Variants in RALGPS1 observed in about 807,000 individuals in gnomAD.
RALGPS1 encodes ras-specific guanine nucleotide-releasing factor RalGPS1.
RALGPS1 carries 19 observed loss-of-function variants against 78.8 expected under a neutral mutation model. That is an observed-to-expected ratio of 0.24 (90% CI 0.17 to 0.35). RALGPS1 has a LOEUF of 0.35. RALGPS1 is among the 10% of genes least tolerant of loss of function. The probability of loss-of-function intolerance (pLI) is 1.00; values close to 1 mark genes in which losing one functional copy is unlikely to be tolerated. For missense variants in RALGPS1, 454 were observed against 688.3 expected, an observed-to-expected ratio of 0.66 and a Z score of 3.81; for synonymous variants, 228 against 256.3, an observed-to-expected ratio of 0.89 and a Z score of 1.06.
intron 9 of RALGPS1, among the ~76,000 whole-genome samples, chr9:127,168,373 G>A (rs2059394915): frequency 6.6e-6 from 1 of 152,194 alleles, no homozygotes; most frequent in Non-Finnish European, 1.5e-5. Flanking sequence ...TCTTTCCCCA[G>A]TCCCTGATAT....
intron 12 of RALGPS1, 102 bp downstream of exon 12, chr9:127,195,319 C>G (rs1357241898): frequency 6.8e-7 from 1 of 1,461,946 alleles, no homozygotes; most frequent in East Asian, 2.4e-5. Context: ...CCTCCCCTGC[C>G]CTGTTCTGGG....
intron 10 of RALGPS1, among the ~76,000 whole-genome samples, chr9:127,174,265 AAG>A (rs1194767469): frequency 4.0e-5 from 6 of 148,780 alleles, no homozygotes; most frequent in African/African-American, 7.8e-5. Context: ...AAGAAAGAAA[AAG>A]AGAGAGAGAG....
intron 1 of RALGPS1, among the ~76,000 whole-genome samples, chr9:126,956,090 G>A (rs12336576): frequency 1.3e-5 from 2 of 152,198 alleles, no homozygotes; most frequent in Non-Finnish European, 2.9e-5. Flanking sequence ...ACTCCCGAGG[G>A]TGTGGCACCT....
chr9:126,958,636 G>T (rs767204705), intron 1 of RALGPS1, among the ~76,000 whole-genome samples: 3 of 152,194 alleles, frequency 2.0e-5, no homozygotes, highest in Non-Finnish European at 4.4e-5. Context: ...ATCCTGCGGT[G>T]TGTCGACTGA....
chr9:127,065,512 G>A (rs1037116009), intron 7 of RALGPS1, among the ~76,000 whole-genome samples: 1 of 152,082 alleles, frequency 6.6e-6, no homozygotes, highest in Non-Finnish European at 1.5e-5. Flanking sequence ...AAGCTACCAT[G>A]CCCTACCTAT....
intron 1 of RALGPS1, among the ~76,000 whole-genome samples, chr9:126,949,589 C>T (rs1162175461): frequency 6.6e-6 from 1 of 152,140 alleles, no homozygotes; most frequent in Non-Finnish European, 1.5e-5. Context: ...TTTCATTTGT[C>T]TTTTGGCTGC....
intron 4 of RALGPS1, among the ~76,000 whole-genome samples, chr9:127,018,865 T>A (rs1428345114): frequency 6.6e-6 from 1 of 152,128 alleles, no homozygotes; most frequent in Non-Finnish European, 1.5e-5. Context: ...GACTACGGCA[T>A]CACTAGGTGA....
intron 4 of RALGPS1, among the ~76,000 whole-genome samples, chr9:127,015,683 C>T (rs751384613): frequency 6.6e-6 from 1 of 152,170 alleles, no homozygotes; most frequent in Non-Finnish European, 1.5e-5. Context: ...ATCTGATCAT[C>T]TGGTTGTGTC....
intron 10 of RALGPS1, among the ~76,000 whole-genome samples, chr9:127,171,161 C>T (rs1039895991): frequency 2.0e-5 from 3 of 152,144 alleles, no homozygotes; most frequent in African/African-American, 7.2e-5. Context: ...AGAAAAATTA[C>T]CCAATTTCCC....
intron 8 of RALGPS1, among the ~76,000 whole-genome samples, chr9:127,094,628 T>C (rs963413045): frequency 3.9e-5 from 6 of 152,264 alleles, no homozygotes; most frequent in Non-Finnish European, 1.5e-5. Context: ...AGTGTGTTTT[T>C]AGGGGGCCAG....
At chr9:126,957,403 G>A (rs956972940) in intron 1 of RALGPS1, among the ~76,000 whole-genome samples, 7 of 152,190 alleles carry the variant, frequency 4.6e-5, no homozygotes, top group African/African-American at 1.2e-4. Context: ...GAGCTACAGA[G>A]TGCCAGGCAC....
intron 4 of RALGPS1, among the ~76,000 whole-genome samples, chr9:127,001,698 A>G (rs540854208): frequency 6.6e-6 from 1 of 152,216 alleles, no homozygotes; most frequent in Non-Finnish European, 1.5e-5. Context: ...AGCCTGGCCA[A>G]CATGGTGAAA....
At chr9:127,045,087 T>G (rs2047637019) in intron 5 of RALGPS1, among the ~76,000 whole-genome samples, 1 of 152,192 alleles carries the variant, frequency 6.6e-6, no homozygotes, top group Non-Finnish European at 1.5e-5. Context: ...TTTTATTTAT[T>G]TATTTTTTTA....
At chr9:127,033,798 A>G (rs949978403) in intron 4 of RALGPS1, among the ~76,000 whole-genome samples, 1 of 152,216 alleles carries the variant, frequency 6.6e-6, no homozygotes, top group Non-Finnish European at 1.5e-5. Context: ...AAATCTAGAT[A>G]ATTCAGTTCT....
chr9:127,138,311 A>G (rs561911354), intron 8 of RALGPS1, among the ~76,000 whole-genome samples: 1 of 152,274 alleles, frequency 6.6e-6, no homozygotes, highest in East Asian at 1.9e-4. Context: ...CCGTGGCTGC[A>G]TTGTCAGTAA....
intron 4 of RALGPS1, chr9:127,016,911 T>C (rs1425080378): frequency 1.3e-5 from 2 of 152,194 alleles, no homozygotes; most frequent in Non-Finnish European, 2.9e-5. Context: ...CAATGTCACG[T>C]CTTTTTACAT....
intron 8 of RALGPS1, among the ~76,000 whole-genome samples, chr9:127,138,475 A>G (rs1289443749): frequency 6.6e-6 from 1 of 152,198 alleles, no homozygotes; most frequent in Non-Finnish European, 1.5e-5. Context: ...TTCACTAACC[A>G]CAGTGACAGT....
chr9:126,989,839 G>T, intron 4 of RALGPS1: 1 of 1,543,322 alleles, frequency 6.5e-7, no homozygotes. Flanking sequence ...GCTGGAGCTC[G>T]AGACCTTGAG....
chr9:127,042,232 T>C (rs1259567234), intron 5 of RALGPS1, among the ~76,000 whole-genome samples: 2 of 152,180 alleles, frequency 1.3e-5, no homozygotes, highest in Non-Finnish European at 2.9e-5. Context: ...TAGTCCTCAG[T>C]AGCTAAATGC....
Sources: allele counts gnomAD v4.1 joint callset (sites outside exome capture counted in the v4.1 genomes callset), GRCh38; gene constraint gnomAD v4.1.1; transcripts MANE v1.5; gene names NCBI Gene and HGNC (gene_info 2026-07-23, HGNC 2026-07-21).